EYS: variants seen among roughly 807,000 people sequenced by gnomAD.
EYS encodes the protein protein eyes shut homolog.
A neutral mutation model predicts 282.1 loss-of-function variants in EYS; 250 were observed. The observed-to-expected ratio is 0.89, with a 90% CI of 0.80 to 0.98. EYS has a LOEUF of 0.98. EYS is among the 50% of genes least tolerant of loss of function. EYS has a pLI of 0.00. For missense variants in EYS, 4,016 were observed against 3,709.0 expected, an observed-to-expected ratio of 1.08 and a Z score of -2.15; for synonymous variants, 1,355 against 1,282.9, an observed-to-expected ratio of 1.06 and a Z score of -1.20.
chr6:65,421,275 C>A (rs1767445388), intron 5 of EYS, among the ~76,000 whole-genome samples: 1 of 151,728 alleles, frequency 6.6e-6, no homozygotes, highest in South Asian at 2.1e-4. Flanking sequence ...CTTCACATTG[C>A]ACTATTATGT....
At chr6:64,132,955 T>A (rs566334891) in intron 31 of EYS, among the ~76,000 whole-genome samples, 1 of 152,000 alleles carries the variant, frequency 6.6e-6, no homozygotes, top group Non-Finnish European at 1.5e-5. Context: ...TTTATGTTTA[T>A]ATGTAAGTAA....
chr6:64,237,584 A>G (rs750939340), intron 30 of EYS, among the ~76,000 whole-genome samples: 3 of 152,214 alleles, frequency 2.0e-5, no homozygotes, highest in Non-Finnish European at 2.9e-5. Flanking sequence ...TGTGGCTAAC[A>G]GGAATAAATC....
intron 29 of EYS, among the ~76,000 whole-genome samples, chr6:64,367,634 A>G (rs974770973): frequency 1.3e-5 from 2 of 151,518 alleles, no homozygotes; most frequent in African/African-American, 4.8e-5. Flanking sequence ...TATGGCTGTT[A>G]TCTTTGATCT....
At chr6:63,828,194 G>A (rs182977772) in intron 36 of EYS, among the ~76,000 whole-genome samples, 51 of 151,954 alleles carry the variant, frequency 3.4e-4, no homozygotes, top group East Asian at 2.7e-3. Context: ...AGAACAAACC[G>A]AACCCAAAAC....
intron 22 of EYS, among the ~76,000 whole-genome samples, chr6:64,801,940 C>A (rs1764244861): frequency 6.6e-6 from 1 of 150,568 alleles, no homozygotes. Flanking sequence ...CTGCCACACT[C>A]TGATTAGGTT....
chr6:65,615,810 T>C (rs920573446), intron 2 of EYS, among the ~76,000 whole-genome samples: 1 of 151,880 alleles, frequency 6.6e-6, no homozygotes, highest in African/African-American at 2.4e-5. Flanking sequence ...GGCGGGCGCC[T>C]GCAGTCCCAG....
intron 11 of EYS, among the ~76,000 whole-genome samples, chr6:65,301,143 G>C (rs12210435): frequency 0.99 from 150,505 of 152,294 alleles, 74,390 homozygotes; most frequent in East Asian, 1. Flanking sequence ...CTTTCCTGAT[G>C]CTTTGCATTT....
chr6:64,397,158 G>C (rs748156841), intron 28 of EYS, among the ~76,000 whole-genome samples: 11 of 151,974 alleles, frequency 7.2e-5, no homozygotes, highest in Non-Finnish European at 1.3e-4. Context: ...GTTTTCAAAA[G>C]TTTGGGTGTA....
At chr6:63,791,008 G>A (rs67939679) in intron 37 of EYS, among the ~76,000 whole-genome samples, 13,924 of 152,180 alleles carry the variant, frequency 0.091, 700 homozygotes, top group East Asian at 0.16. Context: ...TTAGGTCCTT[G>A]ACAGCCTGGT....
In EYS at chr6:65,677,101, T is replaced by C. The variant is rs868008807; in HGVS notation, c.-448+30034A>G. Among the ~76,000 whole-genome samples, 43 of 79,028 alleles carry C rather than the reference T, an allele frequency of 5.4e-4. 1 individual carries two copies. In the South Asian group the frequency reaches 0.012, roughly 23 times the overall value. 51.8% of individuals were successfully genotyped at this position (79,028 alleles called of 152,430 possible). A position where few individuals can be genotyped will look rare whatever the true frequency, so the allele number is the denominator to read the frequency against. On this transcript the variant is annotated intron_variant, in intron 1 of 42. Transcript: ENST00000503581. ...AAGCCCATAGCTTTATCACAGTCAT[T>C]GGTGAAAAAAAAAAAAAAAAAAAAA...
intron 31 of EYS, among the ~76,000 whole-genome samples, chr6:64,166,167 A>G (rs1764284929): frequency 6.6e-6 from 1 of 152,220 alleles, no homozygotes; most frequent in Admixed American, 6.5e-5. Context: ...CTTCAATGCT[A>G]AATGGTACAA....
At chr6:65,387,005 A>G (rs1306699975) in intron 7 of EYS, among the ~76,000 whole-genome samples, 1 of 150,966 alleles carries the variant, frequency 6.6e-6, no homozygotes, top group Non-Finnish European at 1.5e-5. Flanking sequence ...AGGAAAAAAA[A>G]TAATGAAAAT....
At chr6:64,510,263 T>A (rs1341429599) in intron 26 of EYS, among the ~76,000 whole-genome samples, 1 of 152,210 alleles carries the variant, frequency 6.6e-6, no homozygotes, top group African/African-American at 2.4e-5. Flanking sequence ...AAATAATGAA[T>A]ATGTACTTTA....
At chr6:64,344,288 C>A (rs1392373558) in intron 29 of EYS, among the ~76,000 whole-genome samples, 1 of 152,060 alleles carries the variant, frequency 6.6e-6, no homozygotes, top group Non-Finnish European at 1.5e-5. Flanking sequence ...CCTTGATGAA[C>A]ATTGATGCAA....
intron 12 of EYS, among the ~76,000 whole-genome samples, chr6:65,209,187 A>G (rs1052080950): frequency 6.6e-6 from 1 of 151,826 alleles, no homozygotes; most frequent in Non-Finnish European, 1.5e-5. Flanking sequence ...AGTTTTCACA[A>G]AATGGTTGTG....
At chr6:65,446,600 A>G (rs1432956677) in intron 5 of EYS, among the ~76,000 whole-genome samples, 1 of 151,880 alleles carries the variant, frequency 6.6e-6, no homozygotes, top group Non-Finnish European at 1.5e-5. Context: ...GAGTTGAGAA[A>G]GTATTAACTT....
At chr6:64,941,473 T>G (rs1019460190) in intron 15 of EYS, among the ~76,000 whole-genome samples, 4 of 152,158 alleles carry the variant, frequency 2.6e-5, no homozygotes, top group African/African-American at 9.6e-5. Context: ...TATGCATCAT[T>G]TTAGATTTAG....
chr6:63,790,437 T>C (rs1448842273), intron 37 of EYS, among the ~76,000 whole-genome samples: 3 of 152,202 alleles, frequency 2.0e-5, no homozygotes, highest in Admixed American at 2.0e-4. Flanking sequence ...AGGGTTACTT[T>C]TGAAAGCTCT....
rs533084523 is a variant in EYS, at chr6:63,937,652, A to T, written c.7055+46731T>A. ...CGCCTCGGCCTCCCAAAGGGCTGGG[A>T]TTATAGGCGTGAGCCACCGCGCCTG... On this transcript the variant is annotated intron_variant, in intron 35 of 42. Transcript: ENST00000503581. Among the ~76,000 whole-genome samples, 240 of 151,838 alleles carry T rather than the reference A, an allele frequency of 1.6e-3. 1 individual carries two copies. The highest frequency in any genetic ancestry group is 5.6e-3 in the African/African-American group (230 of 41,420).
Sources: gnomAD v4.1 joint callset for allele counts (sites outside exome capture counted in the v4.1 genomes callset) on GRCh38, gnomAD v4.1.1 for gene constraint, MANE v1.5 for transcripts, NCBI Gene and HGNC (gene_info 2026-07-23, HGNC 2026-07-21) for gene names.